PARD3: variants seen among roughly 807,000 people sequenced by gnomAD.
PARD3 encodes the protein par-3 family cell polarity regulator, also known as partitioning defective 3 homolog.
PARD3 carries 75 observed loss-of-function variants against 155.4 expected under a neutral mutation model. That is an observed-to-expected ratio of 0.48 (90% CI 0.40 to 0.58). The LOEUF is 0.58. PARD3 is among the 20% of genes least tolerant of loss of function. PARD3 has a pLI of 0.00. For synonymous variants in PARD3, 576 were observed against 610.5 expected (o/e 0.94, Z 0.83); for missense variants, 1,642 against 1,721.7 (o/e 0.95, Z 0.82).
chr10:34,787,633 G>A (rs1438209326), intron 1 of PARD3, among the ~76,000 whole-genome samples: 1 of 152,100 alleles, frequency 6.6e-6, no homozygotes. Context: ...AGCAATCCCT[G>A]AAGACTGAAA....
At chr10:34,790,242 T>C (rs2134238531) in intron 1 of PARD3, among the ~76,000 whole-genome samples, 1 of 152,336 alleles carries the variant, frequency 6.6e-6, no homozygotes, top group Middle Eastern at 3.4e-3. Context: ...TGTATGTGTT[T>C]AAATAAAACA....
At chr10:34,255,592 G>T (rs1475070665) in intron 22 of PARD3, among the ~76,000 whole-genome samples, 1 of 152,196 alleles carries the variant, frequency 6.6e-6, no homozygotes. Flanking sequence ...AAAGATATCT[G>T]TTAGGTGGTT....
In PARD3 at chr10:34,581,404, T is replaced by A. The variant is rs2087472770; in HGVS notation, c.223-64245A>T. ...CACCTGCCACTGCGCCCGGCTAATT[T>A]TTTGTATTTTTAGTAGAGCTGGGGT... is the stretch of plus-strand genomic sequence containing the variant. On this transcript the variant is annotated intron_variant, in intron 2 of 24. Transcript: ENST00000374788. 2.0e-5 allele frequency among the ~76,000 whole-genome samples: 3 copies of A among 152,010 alleles called. No homozygotes were observed. In the South Asian group the frequency reaches 6.2e-4, roughly 32 times the overall value.
intron 2 of PARD3, among the ~76,000 whole-genome samples, chr10:34,671,446 C>T (rs74132089): frequency 1.4e-4 from 22 of 152,212 alleles, no homozygotes; most frequent in African/African-American, 5.1e-4. Flanking sequence ...ACGTTGAAAT[C>T]TTAATTTTAA....
intron 1 of PARD3, among the ~76,000 whole-genome samples, chr10:34,719,793 AC>A (rs2094575596): frequency 6.6e-6 from 1 of 152,222 alleles, no homozygotes; most frequent in Non-Finnish European, 1.5e-5. Context: ...GATGAATATT[AC>A]CAATGTGATA....
chr10:34,811,048 G>A (rs983320372), intron 1 of PARD3, among the ~76,000 whole-genome samples: 1 of 152,030 alleles, frequency 6.6e-6, no homozygotes, highest in Non-Finnish European at 1.5e-5. Context: ...TGAGCAAAGG[G>A]GCTCCAGCAC....
At chr10:34,391,062 T>G (rs1842829675) in intron 7 of PARD3, among the ~76,000 whole-genome samples, 1 of 152,250 alleles carries the variant, frequency 6.6e-6, no homozygotes, top group African/African-American at 2.4e-5. Flanking sequence ...AAGTGTCATC[T>G]TAAACTGCAA....
chr10:34,481,692 A>G (rs959467976), intron 3 of PARD3, among the ~76,000 whole-genome samples: 3 of 152,164 alleles, frequency 2.0e-5, no homozygotes, highest in African/African-American at 7.2e-5. Flanking sequence ...ACTTCAACCA[A>G]TACATATTTG....
Position 34,696,344 on chromosome 10 carries a change from A to G in PARD3, c.196T>C (p.Cys66Arg). The G allele has an allele frequency of 6.2e-7, 1 of 1,611,032 alleles. No homozygotes were observed. The highest frequency in any genetic ancestry group is 8.5e-7 in the Non-Finnish European group (1 of 1,177,256). The change falls in exon 2 of 25, where the codon TGT becomes CGT. Residue 66 changes from cysteine to arginine, a missense_variant. Around this residue, in one of 3 missense-constraint regions of PARD3, gnomAD observed 38 missense variants for 69.1 expected, o/e 0.55. Transcript: ENST00000374788. Reference protein sequence around the residue: ...GGILDLDDILCDVADDKDRLV... With the variant: ...GGILDLDDILRDVADDKDRLV... ...CTGTCTTTATCGTCTGCTACATCAC[A>G]AAGAATGTCATCAAGGTCTAGTATT... is the stretch of plus-strand genomic sequence containing the variant.
chr10:34,281,109 T>TG (rs200702694), intron 21 of PARD3, among the ~76,000 whole-genome samples: 5,758 of 152,208 alleles, frequency 0.038, 292 homozygotes, highest in African/African-American at 0.12. Flanking sequence ...CGGGGCTTTG[T>TG]ATGGGAGGCT....
At chr10:34,186,254 G>A (rs887030193) in intron 22 of PARD3, among the ~76,000 whole-genome samples, 1 of 151,748 alleles carries the variant, frequency 6.6e-6, no homozygotes, top group African/African-American at 2.4e-5. Flanking sequence ...CAGCACTCTG[G>A]AAGGCAGAGG....
intron 22 of PARD3, among the ~76,000 whole-genome samples, chr10:34,251,650 C>T (rs1337418603): frequency 6.6e-6 from 1 of 152,020 alleles, no homozygotes; most frequent in Non-Finnish European, 1.5e-5. Flanking sequence ...TTTGCTCTTC[C>T]CCCTCTCTCT....
chr10:34,372,557 CATAA>C, intron 11 of PARD3, 21 bp from the exon 12 acceptor site: 3 of 1,584,802 alleles, frequency 1.9e-6, no homozygotes, highest in Non-Finnish European at 2.6e-6. Context: ...TGAAGAAAAA[CATAA>C]ATACAGACTG....
intron 22 of PARD3, among the ~76,000 whole-genome samples, chr10:34,211,503 C>A: frequency 6.6e-6 from 1 of 152,252 alleles, no homozygotes; most frequent in Non-Finnish European, 1.5e-5. Context: ...AAATGGAGGC[C>A]GGGAGTGATG....
intron 2 of PARD3, among the ~76,000 whole-genome samples, chr10:34,556,628 C>T (rs992106264): frequency 5.9e-5 from 9 of 152,100 alleles, no homozygotes; most frequent in African/African-American, 1.9e-4. Context: ...GTGATCCGCC[C>T]GCCTCAGCCT....
At chr10:34,715,823 G>A (rs140930722) in intron 1 of PARD3, among the ~76,000 whole-genome samples, 118 of 152,262 alleles carry the variant, frequency 7.7e-4, no homozygotes, top group African/African-American at 2.7e-3. Flanking sequence ...TCTAGCATAC[G>A]AATCAACTAG....
intron 22 of PARD3, among the ~76,000 whole-genome samples, chr10:34,251,591 T>G (rs1469999772): frequency 6.6e-6 from 1 of 152,200 alleles, no homozygotes. Context: ...AATACCTACA[T>G]CACATCTTAC....
At position 34,812,778 on chromosome 10, in the gene PARD3, T is replaced by C. The variant is rs532433681; in HGVS notation, c.120+2098A>G. On this transcript the variant is annotated intron_variant, in intron 1 of 24. Coordinates refer to ENST00000374788, the MANE Select transcript of PARD3 (RefSeq NM_001184785.2). The stretch of plus-strand genomic sequence containing the variant: ...CCCTCCCTCTCATCTCCAACTCCCA[T>C]GTCACTATCACCCTCCCTTCCTTCA... 7.4e-4 allele frequency among the ~76,000 whole-genome samples: 112 copies of C among 152,282 alleles called. 4 individuals are homozygous for C. In the South Asian group the frequency reaches 0.021, roughly 28 times the overall value.
At chr10:34,759,969 T>C (rs1458613724) in intron 1 of PARD3, among the ~76,000 whole-genome samples, 1 of 152,222 alleles carries the variant, frequency 6.6e-6, no homozygotes, top group African/African-American at 2.4e-5. Flanking sequence ...AATTCCTTTA[T>C]TCGTATTTGC....
Sources: gnomAD v4.1 joint callset for allele counts (sites outside exome capture counted in the v4.1 genomes callset) on GRCh38, gnomAD v4.1.1 for gene constraint, gnomAD v4.1.1 regional missense constraint, MANE v1.5 for transcripts, NCBI Gene and HGNC (gene_info 2026-07-23, HGNC 2026-07-21) for gene names.